ADAM12: variants seen among roughly 807,000 people sequenced by gnomAD.
ADAM12 encodes the protein ADAM metallopeptidase domain 12.
In ADAM12, 70 loss-of-function variants were observed where a neutral mutation model predicts 106.4. That is an observed-to-expected ratio of 0.66 (90% confidence interval 0.54 to 0.80). The LOEUF is 0.80. Among genes scored for constraint, ADAM12 ranks in the 30% least tolerant of loss-of-function variants. The pLI, the probability that ADAM12 is intolerant of heterozygous loss-of-function variation, is 0.00. For missense variants in ADAM12, 1,010 were observed against 1,171.9 expected (o/e 0.86, Z 2.02); for synonymous variants, 420 against 433.5 (o/e 0.97, Z 0.39).
At chr10:126,131,764 T>C (rs1399126478) in intron 5 of ADAM12, among the ~76,000 whole-genome samples, 1 of 152,196 alleles carries the variant, frequency 6.6e-6, no homozygotes, top group African/African-American at 2.4e-5. Flanking sequence ...AATTCTATGG[T>C]TTAAGCCAAC....
chr10:126,329,709 C>T (rs148499549), intron 2 of ADAM12, among the ~76,000 whole-genome samples: 144 of 152,294 alleles, frequency 9.5e-4, no homozygotes, highest in African/African-American at 3.3e-3. Flanking sequence ...AGGATGTTCA[C>T]AATCTCAACT....
chr10:126,065,371 C>T (rs1013114973), intron 13 of ADAM12, among the ~76,000 whole-genome samples: 10 of 152,196 alleles, frequency 6.6e-5, no homozygotes, highest in African/African-American at 2.4e-4. Flanking sequence ...GGTGTCAACA[C>T]TATGACACAT....
At chr10:126,062,206 C>A (rs112349097) in intron 14 of ADAM12, among the ~76,000 whole-genome samples, 1 of 152,188 alleles carries the variant, frequency 6.6e-6, no homozygotes, top group African/African-American at 2.4e-5. Context: ...AAAGATAAAG[C>A]CTCTTCACCA....
chr10:126,049,371 G>A lies in ADAM12; in HGVS notation c.1799C>T (p.Thr600Ile). ...VIGTNAVSIE[T>I]NIPLQQGGRI... ...GCCTCCTTGCTGCAGGGGGATGTTT[G>A]TTTCTATGGAAACGGCATTGGTACC... Residue 600 changes from threonine to isoleucine, a missense_variant, in exon 16 of 23, where the codon ACA (threonine) becomes ATA (isoleucine). Around this residue, in one of 3 missense-constraint regions of ADAM12, gnomAD observed 615 missense variants for 708.5 expected, o/e 0.87. Transcript: ENST00000448723. This position sits in a 1 kb window ranked among gnomAD's most constrained non-coding sequence, Gnocchi z 4.4. 6.2e-7 allele frequency: 1 copy of A among 1,614,222 alleles called. No homozygotes were observed.
At chr10:126,101,275 G>C in intron 8 of ADAM12, 34 bp from the exon 9 acceptor site, 5 of 1,600,504 alleles carry the variant, frequency 3.1e-6, no homozygotes, top group Non-Finnish European at 4.3e-6. Flanking sequence ...CATTGGAGTT[G>C]GGATCACGTT....
In ADAM12 at chr10:126,049,109, AT is replaced by A. The variant is rs1385693730; in HGVS notation, c.1917+143del. The A allele has an allele frequency of 1.4e-5, 15 of 1,094,928 alleles. No individual in the cohort carries two copies. Among genetic ancestry groups the A allele is most frequent in the Non-Finnish European group, 1.6e-5 (12 of 750,530 alleles). The allele number at this position is 1,094,928 out of a possible 1,614,324, so 67.8% of individuals were successfully genotyped here. On this transcript the variant is annotated intron_variant, in intron 16 of 22. Transcript: ENST00000448723. This position sits in a 1 kb window ranked among gnomAD's most constrained non-coding sequence, Gnocchi z 4.4. ...TTTAATAGTCAGACCAGGATCTAGGATTTATTGACTTTTTCTTCTAGGTGCA... is the reference window on the plus strand; with the variant it reads ...TTTAATAGTCAGACCAGGATCTAGGATTATTGACTTTTTCTTCTAGGTGCA...
In ADAM12 at chr10:126,227,351, TATC is replaced by T. The variant is rs554427750; in HGVS notation, c.260+51561_260+51563del. On this transcript the variant is annotated intron_variant, in intron 3 of 22. Coordinates refer to ENST00000448723, the MANE Select transcript of ADAM12 (RefSeq NM_001288973.2). ...GTCATCATAACCACATCACCGCTGT[TATC>T]ATCATCATCTTCACTATTGCCACCA... Among the ~76,000 whole-genome samples, 20 of 152,290 alleles carry T rather than the reference TATC, an allele frequency of 1.3e-4. No homozygotes were observed. In the South Asian group the frequency reaches 2.3e-3, roughly 17 times the overall value.
At chr10:126,131,405 T>C (rs879922797) in intron 5 of ADAM12, among the ~76,000 whole-genome samples, 1 of 152,144 alleles carries the variant, frequency 6.6e-6, no homozygotes, top group Non-Finnish European at 1.5e-5. Context: ...GGAAGCCTCA[T>C]GCTGCCAACA....
intron 3 of ADAM12, among the ~76,000 whole-genome samples, chr10:126,242,316 T>C (rs577583288): frequency 1.3e-5 from 2 of 152,318 alleles, no homozygotes; most frequent in East Asian, 3.9e-4. Flanking sequence ...CTTACTATTT[T>C]GTAAAATCAG....
At chr10:126,052,199 C>A (rs1176631502) in intron 14 of ADAM12, among the ~76,000 whole-genome samples, 1 of 152,152 alleles carries the variant, frequency 6.6e-6, no homozygotes, top group South Asian at 2.1e-4. Context: ...GGCCCTGCAG[C>A]CCAAGCAACA....
intron 11 of ADAM12, among the ~76,000 whole-genome samples, chr10:126,080,464 G>C (rs532133508): frequency 1.3e-5 from 2 of 152,284 alleles, no homozygotes; most frequent in Non-Finnish European, 2.9e-5. Context: ...CAGGAAAGAA[G>C]CCCTTTAGCA....
At chr10:126,154,512 A>T (rs1956779898) in intron 4 of ADAM12, among the ~76,000 whole-genome samples, 1 of 152,186 alleles carries the variant, frequency 6.6e-6, no homozygotes, top group Non-Finnish European at 1.5e-5. Context: ...GTGATAAGGG[A>T]GAAGCATAAA....
intron 11 of ADAM12, among the ~76,000 whole-genome samples, chr10:126,072,235 T>C (rs1036915503): frequency 4.6e-5 from 7 of 152,044 alleles, no homozygotes; most frequent in African/African-American, 7.2e-5. Flanking sequence ...GTCTTACCCT[T>C]GTCTCTAAAT....
chr10:126,254,629 C>T (rs1418570908), intron 3 of ADAM12, among the ~76,000 whole-genome samples: 1 of 152,148 alleles, frequency 6.6e-6, no homozygotes, highest in Non-Finnish European at 1.5e-5. Flanking sequence ...TCCTGAACTG[C>T]TGTTCTTCCT....
In ADAM12 at chr10:126,330,452, C is replaced by T; in HGVS notation, c.146G>A (p.Ser49Asn). The T allele has an allele frequency of 6.2e-7, 1 of 1,613,982 alleles. No individual in the cohort carries two copies. Among genetic ancestry groups the T allele is most frequent in the Non-Finnish European group, 8.5e-7 (1 of 1,179,984 alleles). ...ADEVVSASVG[S>N]GDLWIPVKSF... ...CTTCACTGGGATCCAGAGGTCCCCA[C>T]TCCCAACAGAGGCACTGACAACTTC... The change falls in exon 2 of 23, where the codon AGT becomes AAT. Residue 49 changes from serine (S) to asparagine (N), a missense_variant. Physicochemically the swap from Ser to Asn is conservative, Grantham distance 46. This residue lies in a region of ADAM12 where 391 missense variants were observed against 442.9 expected (regional missense o/e 0.88). Coordinates refer to ENST00000448723, the MANE Select transcript of ADAM12 (RefSeq NM_001288973.2).
chr10:126,019,380 T>G (rs1220585466), intron 22 of ADAM12, among the ~76,000 whole-genome samples: 4 of 136,532 alleles, frequency 2.9e-5, no homozygotes, highest in East Asian at 4.3e-4. Context: ...GTCATGCTAC[T>G]TGGTAGCTCC....
intron 11 of ADAM12, among the ~76,000 whole-genome samples, chr10:126,080,354 A>G (rs1449978974): frequency 6.6e-6 from 1 of 152,204 alleles, no homozygotes; most frequent in African/African-American, 2.4e-5. Flanking sequence ...ACTTTTTAAC[A>G]TGTCTAATAA....
At position 126,388,037 on chromosome 10, in the gene ADAM12, C is replaced by A. The variant is rs1185829529; in HGVS notation, c.88+21G>T. 6.6e-6 allele frequency: 8 copies of A among 1,206,240 alleles called. No individual in the cohort carries two copies. Among genetic ancestry groups the A allele is most frequent in the Non-Finnish European group, 8.2e-6 (8 of 971,242 alleles). The allele number at this position is 1,206,240 out of a possible 1,614,324, so 74.7% of individuals were successfully genotyped here. A position where few individuals can be genotyped will look rare whatever the true frequency, so the allele number is the denominator to read the frequency against. ...GCCCTCGGCGGGGCGGGCAGCGAGCCGCCCTAGTTCGGCGACTTACCTCGG... is the reference window on the plus strand; with the variant it reads ...GCCCTCGGCGGGGCGGGCAGCGAGCAGCCCTAGTTCGGCGACTTACCTCGG... On this transcript the variant is annotated intron_variant, in intron 1 of 22. Coordinates refer to ENST00000448723, the MANE Select transcript of ADAM12 (RefSeq NM_001288973.2). The surrounding 1 kb of genome is among the most constrained non-coding windows in gnomAD (Gnocchi z 4.4).
intron 2 of ADAM12, among the ~76,000 whole-genome samples, chr10:126,308,369 C>T (rs557935972): frequency 4.9e-4 from 75 of 152,288 alleles, no homozygotes; most frequent in Non-Finnish European, 8.5e-4. Flanking sequence ...CCCAAGTTAC[C>T]AGCAGATTGT....
Sources: gnomAD v4.1 joint callset for allele counts (sites outside exome capture counted in the v4.1 genomes callset) on GRCh38, gnomAD v4.1.1 for gene constraint, gnomAD v4.1.1 regional missense constraint, Gnocchi (gnomAD v3.1) non-coding constraint, MANE v1.5 for transcripts, NCBI Gene and HGNC (gene_info 2026-07-23, HGNC 2026-07-21) for gene names.